SLC24A2: variants seen among roughly 807,000 people sequenced by gnomAD.
SLC24A2 encodes solute carrier family 24 member 2, also known as sodium/potassium/calcium exchanger 2.
SLC24A2 carries 36 observed loss-of-function variants against 62.0 expected under a neutral mutation model. That is an observed-to-expected ratio of 0.58 (90% CI 0.44 to 0.77). The LOEUF (loss-of-function observed/expected upper bound fraction) is 0.77, where lower values mean the gene tolerates loss of function less well. SLC24A2 is among the 30% of genes least tolerant of loss of function. SLC24A2 has a pLI of 0.00. For missense variants in SLC24A2, 846 were observed against 817.9 expected (o/e 1.03, Z -0.42); for synonymous variants, 358 against 294.0 (o/e 1.22, Z -2.23).
At chr9:19,616,004 A>AGTG (rs1817759019) in intron 4 of SLC24A2, among the ~76,000 whole-genome samples, 1 of 138,198 alleles carries the variant, frequency 7.2e-6, no homozygotes, top group Non-Finnish European at 1.5e-5. Flanking sequence ...GCACACACAC[A>AGTG]CACACACACA....
chr9:20,012,367 C>T, the SLC24A2 span, among the ~76,000 whole-genome samples: 1 of 152,174 alleles, frequency 6.6e-6, no homozygotes, highest in African/African-American at 2.4e-5. Flanking sequence ...GTCTTATTCA[C>T]CATCATGAGA....
chr9:19,851,225 A>G, the SLC24A2 span, among the ~76,000 whole-genome samples: 6 of 149,506 alleles, frequency 4.0e-5, no homozygotes, highest in Non-Finnish European at 7.4e-5. Context: ...GGGTTTCACG[A>G]TGTCGGCTAA....
the SLC24A2 span, among the ~76,000 whole-genome samples, chr9:19,891,519 G>A: frequency 1.3e-5 from 2 of 152,128 alleles, no homozygotes; most frequent in Non-Finnish European, 2.9e-5. Flanking sequence ...ACGGTGAAGG[G>A]GGAGAAAGCA....
chr9:20,042,746 C>A, the SLC24A2 span, among the ~76,000 whole-genome samples: 1 of 152,188 alleles, frequency 6.6e-6, no homozygotes, highest in African/African-American at 2.4e-5. Flanking sequence ...ATTTTTCCAA[C>A]AGCATGTGCT....
chr9:19,803,556 G>A, the SLC24A2 span, among the ~76,000 whole-genome samples: 1 of 151,996 alleles, frequency 6.6e-6, no homozygotes, highest in Non-Finnish European at 1.5e-5. Flanking sequence ...TTTTAATGGG[G>A]CACTATTTAA....
the SLC24A2 span, among the ~76,000 whole-genome samples, chr9:19,860,264 G>A: frequency 6.6e-6 from 1 of 152,162 alleles, no homozygotes; most frequent in African/African-American, 2.4e-5. Context: ...TTCAGCCACA[G>A]CAGGATAAGG....
intron 2 of SLC24A2, among the ~76,000 whole-genome samples, chr9:19,785,522 G>A (rs1022893035): frequency 6.6e-6 from 1 of 152,172 alleles, no homozygotes; most frequent in African/African-American, 2.4e-5. Context: ...TAAAGAGATG[G>A]TTCTTTCTTG....
intron 2 of SLC24A2, among the ~76,000 whole-genome samples, chr9:19,708,520 A>G (rs1158293837): frequency 1.3e-5 from 2 of 152,258 alleles, no homozygotes; most frequent in East Asian, 3.8e-4. Flanking sequence ...GCAAGGCTAC[A>G]GTAACCAAAA....
the SLC24A2 span, among the ~76,000 whole-genome samples, chr9:19,889,254 G>T: frequency 6.6e-6 from 1 of 152,150 alleles, no homozygotes; most frequent in Non-Finnish European, 1.5e-5. Context: ...ATGGTATAAA[G>T]CCAGTACAGT....
chr9:19,752,730 A>C (rs1445136469), intron 2 of SLC24A2, among the ~76,000 whole-genome samples: 2 of 152,182 alleles, frequency 1.3e-5, no homozygotes, highest in Non-Finnish European at 2.9e-5. Context: ...GAATGAATCT[A>C]TGTGTACTCA....
chr9:19,682,844 G>C (rs1564034631), intron 2 of SLC24A2, among the ~76,000 whole-genome samples: 1 of 152,034 alleles, frequency 6.6e-6, no homozygotes, highest in Non-Finnish European at 1.5e-5. Flanking sequence ...TAGGGCCAAA[G>C]GGAAACCCCA....
chr9:20,057,913 C>T, the SLC24A2 span, among the ~76,000 whole-genome samples: 5 of 152,224 alleles, frequency 3.3e-5, no homozygotes, highest in South Asian at 8.3e-4. Flanking sequence ...CATCTGACTG[C>T]AGTTCAGTAG....
chr9:19,927,514 T>C, the SLC24A2 span: 4 of 152,210 alleles, frequency 2.6e-5, no homozygotes, highest in African/African-American at 4.8e-5. Flanking sequence ...ATCTTAGTCA[T>C]ATGAGGCAGA....
intron 2 of SLC24A2, among the ~76,000 whole-genome samples, chr9:19,626,640 T>C (rs1174566186): frequency 1.3e-5 from 2 of 152,198 alleles, no homozygotes; most frequent in Admixed American, 6.5e-5. Context: ...GAAACAAATA[T>C]GCCCATGATT....
chr9:19,874,908 T>C, the SLC24A2 span, among the ~76,000 whole-genome samples: 1 of 151,820 alleles, frequency 6.6e-6, no homozygotes, highest in Non-Finnish European at 1.5e-5. Context: ...CTTTATTTAT[T>C]CTCCTCAATT....
At chr9:19,888,913 C>A in the SLC24A2 span, among the ~76,000 whole-genome samples, 2 of 152,304 alleles carry the variant, frequency 1.3e-5, no homozygotes, top group South Asian at 4.1e-4. Context: ...TGGTCTGTTT[C>A]TCCCTGAATC....
the SLC24A2 span, among the ~76,000 whole-genome samples, chr9:19,873,160 A>G: frequency 6.6e-6 from 1 of 152,002 alleles, no homozygotes; most frequent in East Asian, 1.9e-4. Context: ...CATGCATTAA[A>G]TAGTTGAATC....
At chr9:19,810,582 C>A in the SLC24A2 span, among the ~76,000 whole-genome samples, 1 of 152,170 alleles carries the variant, frequency 6.6e-6, no homozygotes, top group African/African-American at 2.4e-5. Flanking sequence ...GAGGGTACAT[C>A]TATGTGTTCC....
At chr9:20,271,013 G>C in the SLC24A2 span, among the ~76,000 whole-genome samples, 2 of 152,050 alleles carry the variant, frequency 1.3e-5, no homozygotes, top group Non-Finnish European at 2.9e-5. Context: ...GGTTGTGCTA[G>C]CCTCCTGTCT....
Sources: allele counts gnomAD v4.1 joint callset (sites outside exome capture counted in the v4.1 genomes callset), GRCh38; gene constraint gnomAD v4.1.1; transcripts MANE v1.5; gene names NCBI Gene and HGNC (gene_info 2026-07-23, HGNC 2026-07-21).